CPVL: variants seen among roughly 807,000 people sequenced by gnomAD.
CPVL encodes the protein carboxypeptidase vitellogenic like.
In CPVL, 51 loss-of-function variants were observed where a neutral mutation model predicts 63.7. That is an observed-to-expected ratio of 0.80 (90% CI 0.64 to 1.01). The LOEUF is 1.01. Ranked by LOEUF, CPVL falls within the 50% of genes least tolerant of loss-of-function variation. The pLI, the probability that CPVL is intolerant of heterozygous loss-of-function variation, is 0.00. For missense variants in CPVL, 530 were observed against 573.1 expected (o/e 0.92, Z 0.77); for synonymous variants, 195 against 206.0 (o/e 0.95, Z 0.46).
rs140941124 is a variant in CPVL at position 29,096,270 on chromosome 7, A to G, written c.289-53T>C. 124 of 1,412,458 alleles carry G rather than the reference A, an allele frequency of 8.8e-5. No homozygotes were observed. In the East Asian group the frequency reaches 2.8e-3, roughly 31 times the overall value. 87.5% of individuals were successfully genotyped at this position (1,412,458 alleles called of 1,614,324 possible). On this transcript the variant is annotated intron_variant, in intron 3 of 12. Coordinates refer to ENST00000265394, the MANE Select transcript of CPVL (RefSeq NM_031311.5). ...ACACAGAACACTCACTTAAGGCTACAGAACACACACAAGCAAACTTACCCA... is the reference window on the plus strand; with the variant it reads ...ACACAGAACACTCACTTAAGGCTACGGAACACACACAAGCAAACTTACCCA...
At position 29,166,296 on chromosome 7, in the gene CPVL, C is replaced by T. The variant is rs757905363; in HGVS notation, c.-11+14994G>A. ...CCTCCCATCTCAACCTCTCAGAATGCTGGGATTAGAGGCATGAGCCACTGC... is the reference window on the plus strand; with the variant it reads ...CCTCCCATCTCAACCTCTCAGAATGTTGGGATTAGAGGCATGAGCCACTGC... On this transcript the variant is annotated intron_variant, in intron 5 of 16. Coordinates refer to the CPVL transcript ENST00000409850. Among the ~76,000 whole-genome samples the T allele has an allele frequency of 5.5e-4, 84 of 152,124 alleles. 2 individuals carry two copies. The highest frequency in any genetic ancestry group is 1.0e-3 in the Non-Finnish European group (71 of 68,018).
At chr7:29,009,573 C>CAATT (rs1785584279) in intron 12 of CPVL, 1 of 152,124 alleles carries the variant, frequency 6.6e-6, no homozygotes, top group South Asian at 2.1e-4. Context: ...GAATAAGACA[C>CAATT]AATTGAGCAT....
chr7:29,187,411 T>G (rs1757740322), intron 1 of CPVL, among the ~76,000 whole-genome samples: 1 of 151,966 alleles, frequency 6.6e-6, no homozygotes, highest in Non-Finnish European at 1.5e-5. Context: ...TGTTATATTA[T>G]ACATGCCACT....
At chr7:29,088,924 G>T (rs1028131808) in intron 6 of CPVL, among the ~76,000 whole-genome samples, 1 of 152,150 alleles carries the variant, frequency 6.6e-6, no homozygotes, top group African/African-American at 2.4e-5. Flanking sequence ...GCAGTGAGCC[G>T]AGATCACGCC....
At chr7:29,173,876 T>G (rs983360677) in intron 5 of CPVL, among the ~76,000 whole-genome samples, 10 of 149,950 alleles carry the variant, frequency 6.7e-5, no homozygotes, top group African/African-American at 2.5e-4. Context: ...TACTTGGACC[T>G]GGGAGGTGGA....
Position 29,072,820 on chromosome 7 carries a change from A to C in CPVL, c.610-397T>G, listed in dbSNP as rs567081722. Among the ~76,000 whole-genome samples the C allele has an allele frequency of 3.3e-5, 5 of 152,360 alleles. No individual in the cohort carries two copies. The East Asian group carries it at 7.7e-4, about 23-fold the overall frequency. On this transcript the variant is annotated intron_variant, in intron 7 of 12. Transcript: ENST00000265394. ...AAAATTAAGATTTCAAAATCTGATA[A>C]TGCTGCAAATTTTGAAATCAACATG...
intron 2 of CPVL, among the ~76,000 whole-genome samples, chr7:29,117,854 T>C (rs916262231): frequency 5.9e-5 from 9 of 152,228 alleles, no homozygotes; most frequent in African/African-American, 1.4e-4. Context: ...CTATTATGTA[T>C]AGGTACTATG....
chr7:29,077,456 G>A (rs1053944563), intron 7 of CPVL, among the ~76,000 whole-genome samples: 1 of 152,128 alleles, frequency 6.6e-6, no homozygotes, highest in African/African-American at 2.4e-5. Context: ...ACCATCCACA[G>A]GCCTTAGTTC....
chr7:29,131,906 C>G (rs1790743085), intron 1 of CPVL, among the ~76,000 whole-genome samples: 2 of 152,228 alleles, frequency 1.3e-5, no homozygotes, highest in South Asian at 2.1e-4. Context: ...CAGGCAGCAG[C>G]TGACCTGGAA....
At chr7:29,136,581 G>A (rs1312304223) in intron 1 of CPVL, among the ~76,000 whole-genome samples, 8 of 152,106 alleles carry the variant, frequency 5.3e-5, no homozygotes, top group Non-Finnish European at 7.4e-5. Context: ...AGATTAGGCA[G>A]ATTACTTGGA....
chr7:29,151,059 C>T (rs574320659), upstream of CPVL, among the ~76,000 whole-genome samples: 46 of 152,192 alleles, frequency 3.0e-4, no homozygotes, highest in South Asian at 9.1e-3. Flanking sequence ...GCCCAGGTGG[C>T]GGTAACCAAG....
intron 3 of CPVL, among the ~76,000 whole-genome samples, chr7:29,107,701 C>A (rs1259732598): frequency 1.3e-5 from 2 of 152,234 alleles, no homozygotes; most frequent in Non-Finnish European, 2.9e-5. Flanking sequence ...TGCAGCTAGA[C>A]AATGAGCTGG....
At chr7:29,021,130 T>C (rs1786925713) in intron 12 of CPVL, among the ~76,000 whole-genome samples, 1 of 151,656 alleles carries the variant, frequency 6.6e-6, no homozygotes, top group South Asian at 2.1e-4. Context: ...GCCAAGATCA[T>C]GACTGGCAGA....
At chr7:29,092,739 G>A (rs768501390) in intron 5 of CPVL, 37 bp from the exon 6 acceptor site, 2 of 1,429,192 alleles carry the variant, frequency 1.4e-6, no homozygotes, top group Admixed American at 3.4e-5. Context: ...TAAACACAGA[G>A]AAACACATGC....
chr7:29,092,170 T>G (rs1237147167), intron 6 of CPVL, among the ~76,000 whole-genome samples: 1 of 144,440 alleles, frequency 6.9e-6, no homozygotes, highest in East Asian at 2.1e-4. Flanking sequence ...CTTACAACTT[T>G]ACATTTTTCC....
At chr7:29,063,218 A>C (rs1422463258) in intron 11 of CPVL, among the ~76,000 whole-genome samples, 1 of 152,176 alleles carries the variant, frequency 6.6e-6, no homozygotes, top group Non-Finnish European at 1.5e-5. Flanking sequence ...CATTTCAACC[A>C]GACAGCACAA....
At chr7:29,044,652 T>C (rs188592739) in intron 11 of CPVL, among the ~76,000 whole-genome samples, 112 of 152,292 alleles carry the variant, frequency 7.4e-4, no homozygotes, top group African/African-American at 2.4e-3. Flanking sequence ...CACTACAGCA[T>C]GTGACATTTA....
At chr7:29,076,155 A>C (rs1307326012) in intron 7 of CPVL, among the ~76,000 whole-genome samples, 1 of 152,166 alleles carries the variant, frequency 6.6e-6, no homozygotes, top group Non-Finnish European at 1.5e-5. Flanking sequence ...TTTAGGTGTG[A>C]CTGCCTTATG....
chr7:29,054,770 T>G (rs1790540303), intron 11 of CPVL, among the ~76,000 whole-genome samples: 1 of 152,212 alleles, frequency 6.6e-6, no homozygotes, highest in Non-Finnish European at 1.5e-5. Flanking sequence ...CTCTTCTTAA[T>G]GCCTCTTAAT....
Sources: gnomAD v4.1 joint callset for allele counts (sites outside exome capture counted in the v4.1 genomes callset) on GRCh38, gnomAD v4.1.1 for gene constraint, MANE v1.5 for transcripts, NCBI Gene and HGNC (gene_info 2026-07-23, HGNC 2026-07-21) for gene names.